Variants in RPF2 observed in about 807,000 individuals in gnomAD.
The protein encoded by RPF2 is ribosome production factor 2 homolog.
Under a neutral mutation model 38.9 loss-of-function variants are expected in RPF2, and 21 were observed. The observed-to-expected ratio is 0.54, with a 90% CI of 0.38 to 0.78. The LOEUF is 0.78. RPF2 is among the 30% of genes least tolerant of loss of function. The pLI, the probability that RPF2 is intolerant of heterozygous loss-of-function variation, is 0.00. For missense variants in RPF2, 314 were observed against 358.1 expected, an observed-to-expected ratio of 0.88 and a Z score of 0.99; for synonymous variants, 121 against 126.2, an observed-to-expected ratio of 0.96 and a Z score of 0.28.
chr6:110,985,836 G>T (rs1040561942), intron 2 of RPF2, among the ~76,000 whole-genome samples: 1 of 151,836 alleles, frequency 6.6e-6, no homozygotes, highest in Admixed American at 6.6e-5. Flanking sequence ...TGCTCGGGAG[G>T]CTGAGGCAGG....
intron 4 of RPF2, among the ~76,000 whole-genome samples, 156 bp from the exon 5 acceptor site, chr6:110,997,027 C>T (rs944866041): frequency 3.3e-5 from 5 of 152,160 alleles, no homozygotes; most frequent in Admixed American, 2.6e-4. Flanking sequence ...GTCTCAAACT[C>T]CTGATCTCAA....
At chr6:110,983,807 G>A (rs1771474165) in intron 1 of RPF2, among the ~76,000 whole-genome samples, 1 of 150,008 alleles carries the variant, frequency 6.7e-6, no homozygotes. Context: ...GGGGGGGTGG[G>A]TCACGAGGTC....
intron 1 of RPF2, among the ~76,000 whole-genome samples, chr6:110,983,487 A>G (rs1583255375): frequency 6.6e-6 from 1 of 152,062 alleles, no homozygotes; most frequent in African/African-American, 2.4e-5. Flanking sequence ...AGCTGGGACT[A>G]TAGGCGCACA....
Position 111,008,035 on chromosome 6 carries a change from T to G in RPF2, c.394-3T>G, listed in dbSNP as rs538168874. 3.2e-6 allele frequency: 5 copies of G among 1,553,076 alleles called. No homozygotes were observed. Among genetic ancestry groups the G allele is most frequent in the Non-Finnish European group, 8.6e-7 (1 of 1,158,060 alleles). On this transcript the variant is annotated splice_polypyrimidine_tract_variant and splice_region_variant and intron_variant, in intron 6 of 9. Transcript: ENST00000441448. ...TATAATTGCTTTTTTTTTTTTTTTTTAGAACAGTAAATGTCCTGAGGGAAC... is the reference window on the plus strand; with the variant it reads ...TATAATTGCTTTTTTTTTTTTTTTTGAGAACAGTAAATGTCCTGAGGGAAC...
At chr6:110,985,212 C>A in intron 2 of RPF2, 74 bp downstream of exon 2, 1 of 1,239,810 alleles carries the variant, frequency 8.1e-7, no homozygotes, top group South Asian at 1.6e-5. Flanking sequence ...GATGGGCTGT[C>A]GGAGAAATAC....
At chr6:110,999,329 A>T (rs1393847401) in intron 5 of RPF2, among the ~76,000 whole-genome samples, 1 of 152,168 alleles carries the variant, frequency 6.6e-6, no homozygotes, top group Non-Finnish European at 1.5e-5. Context: ...TAGAAAAAAA[A>T]ATGTATCGAC....
At position 110,989,627 on chromosome 6, in the gene RPF2, GTT is replaced by G. The variant is rs56989879; in HGVS notation, c.194+578_194+579del. Among the ~76,000 whole-genome samples the G allele has an allele frequency of 2.7e-3, 329 of 123,280 alleles. 1 individual carries two copies. Among genetic ancestry groups the G allele is most frequent in the African/African-American group, 9.2e-3 (307 of 33,496 alleles). 80.9% of individuals were successfully genotyped at this position (123,280 alleles called of 152,430 possible). A position where few individuals can be genotyped will look rare whatever the true frequency, so the allele number is the denominator to read the frequency against. The stretch of plus-strand genomic sequence containing the variant: ...ACCACGCCTGGCTAATTTTTGTGTG[GTT>G]TTTTTTTTTTTTTTTGAGACGGAGT... On this transcript the variant is annotated intron_variant, in intron 3 of 9. Transcript: ENST00000441448.
chr6:111,011,196 A>G (rs962062351), intron 7 of RPF2, among the ~76,000 whole-genome samples: 1 of 152,180 alleles, frequency 6.6e-6, no homozygotes, highest in African/African-American at 2.4e-5. Flanking sequence ...CATATTTTCC[A>G]TGAATTAAAT....
intron 8 of RPF2, among the ~76,000 whole-genome samples, chr6:111,023,235 T>C (rs1238325954): frequency 6.6e-6 from 1 of 152,166 alleles, no homozygotes; most frequent in Non-Finnish European, 1.5e-5. Context: ...TATTCCCCAG[T>C]TCTCCTCCAC....
chr6:111,007,604 A>G lies in RPF2; in HGVS notation c.394-434A>G, dbSNP rs190485119. ...GTATTCACAGACATCATTTTGGAAC[A>G]GTTAATAAAATGTGAAAATAAATTA... On this transcript the variant is annotated intron_variant, in intron 6 of 9. Coordinates refer to ENST00000441448, the MANE Select transcript of RPF2 (RefSeq NM_032194.3). Among the ~76,000 whole-genome samples, 284 of 152,246 alleles carry G rather than the reference A, an allele frequency of 1.9e-3. 1 individual carries two copies. The highest frequency in any genetic ancestry group is 6.6e-3 in the African/African-American group (275 of 41,532).
intron 3 of RPF2, among the ~76,000 whole-genome samples, chr6:110,990,006 T>C (rs146458407): frequency 2.4e-4 from 36 of 151,882 alleles, no homozygotes; most frequent in African/African-American, 8.7e-4. Flanking sequence ...TGGCATGATC[T>C]AAGGTCACTG....
chr6:110,999,834 A>G (rs3763196), intron 6 of RPF2, 47 bp downstream of exon 6: 343,783 of 1,057,958 alleles, frequency 0.32, 61,310 homozygotes, highest in East Asian at 0.68. Context: ...GCTTCTCTTG[A>G]CCAGTAGTGA....
In RPF2 at chr6:110,997,221, G is replaced by A; in HGVS notation, c.273G>A (p.Met91Ile). The A allele has an allele frequency of 6.2e-7, 1 of 1,603,258 alleles. No homozygotes were observed. The highest frequency in any genetic ancestry group is 8.5e-7 in the Non-Finnish European group (1 of 1,171,608). ...AGAAGTCAGATTGTTCTTTATTCATGTTTGGCTCCCATAATAAGAAGCGGC... is the reference window on the plus strand; with the variant it reads ...AGAAGTCAGATTGTTCTTTATTCATATTTGGCTCCCATAATAAGAAGCGGC... The part of the protein sequence containing the change: ...FSKKSDCSLF[M>I]FGSHNKKRPN... The change falls in exon 5 of 10, where the codon ATG (methionine) becomes ATA (isoleucine). Residue 91 changes from methionine to isoleucine, a missense_variant. Met to Ile is a conservative substitution (Grantham distance 10). Transcript: ENST00000441448.
At position 111,022,548 on chromosome 6, in the gene RPF2, T is replaced by A. The variant is rs1001233401; in HGVS notation, c.597-1635T>A. ...TTAATTCTTTAATGAAATAACAACA[T>A]AGGTAATTATACATAGTTATTTGGA... On this transcript the variant is annotated intron_variant, in intron 8 of 9. Transcript: ENST00000441448. 5.3e-5 allele frequency among the ~76,000 whole-genome samples: 8 copies of A among 152,310 alleles called. No individual in the cohort carries two copies. The South Asian group carries it at 1.7e-3, about 32-fold the overall frequency.
intron 1 of RPF2, among the ~76,000 whole-genome samples, chr6:110,982,803 C>T (rs1200546446): frequency 6.6e-6 from 1 of 152,204 alleles, no homozygotes; most frequent in Non-Finnish European, 1.5e-5. Flanking sequence ...CAGTTTTAGT[C>T]ATTCAGAGAT....
Position 111,000,774 on chromosome 6 carries a change from A to AGATT in RPF2, c.393+990_393+993dup, listed in dbSNP as rs563215081. Among the ~76,000 whole-genome samples, 16 of 152,240 alleles carry AGATT rather than the reference A, an allele frequency of 1.1e-4. No homozygotes were observed. The East Asian group carries it at 3.1e-3, about 29-fold the overall frequency. ...AATTTTCTTTTTTGTATAGATTGGG[A>AGATT]GATTGAAGGCCCATAGGGGTTTCAT... On this transcript the variant is annotated intron_variant, in intron 6 of 9. Transcript: ENST00000441448.
At position 111,026,432 on chromosome 6, in the gene RPF2, G is replaced by A. The variant is rs1339738423; in HGVS notation, c.*850G>A. 7.9e-5 allele frequency: 12 copies of A among 152,254 alleles called. No individual in the cohort carries two copies. Among genetic ancestry groups the A allele is most frequent in the Non-Finnish European group, 1.5e-4 (10 of 68,206 alleles). The allele number at this position is 152,254 out of a possible 1,614,324, so 9.4% of individuals were successfully genotyped here. A position where few individuals can be genotyped will look rare whatever the true frequency, so the allele number is the denominator to read the frequency against. ...GCCCAGGCTGGACTCAAATTCCTGG[G>A]CTCAAGTGATCCTCCCACTTCACCT... is the stretch of plus-strand genomic sequence containing the variant. On this transcript the variant is annotated 3_prime_UTR_variant, in exon 10 of 10. Transcript: ENST00000441448.
intron 3 of RPF2, 94 bp downstream of exon 3, chr6:110,989,159 A>C (rs1027892423): frequency 1.6e-6 from 2 of 1,241,550 alleles, no homozygotes; most frequent in Non-Finnish European, 2.1e-6. Flanking sequence ...AAAACTTTTT[A>C]AAAAGATATT....
intron 7 of RPF2, 46 bp from the exon 8 acceptor site, chr6:111,015,708 G>T (rs374167220): frequency 7.7e-7 from 1 of 1,297,142 alleles, no homozygotes; most frequent in Non-Finnish European, 1.1e-6. Context: ...ACTGAATTTT[G>T]CAAGTATTTG....
Sources: gnomAD v4.1 joint callset for allele counts (sites outside exome capture counted in the v4.1 genomes callset) on GRCh38, gnomAD v4.1.1 for gene constraint, MANE v1.5 for transcripts, NCBI Gene and HGNC (gene_info 2026-07-23, HGNC 2026-07-21) for gene names.